PCLO: variants seen among roughly 807,000 people sequenced by gnomAD.
The protein encoded by PCLO is protein piccolo.
Under a neutral mutation model 427.5 loss-of-function variants are expected in PCLO, and 82 were observed. The ratio of observed to expected loss-of-function variants is 0.19; its 90% confidence interval spans 0.16 to 0.23. The LOEUF is 0.23. Among genes scored for constraint, PCLO ranks in the 10% least tolerant of loss-of-function variants. PCLO has a pLI of 1.00. For missense variants in PCLO, 6,239 were observed against 6,115.9 expected (o/e 1.02, Z -0.67); for synonymous variants, 2,357 against 2,155.4 (o/e 1.09, Z -2.59).
At chr7:82,814,051 C>A (rs1197624071) in intron 20 of PCLO, among the ~76,000 whole-genome samples, 1 of 151,532 alleles carries the variant, frequency 6.6e-6, no homozygotes, top group Non-Finnish European at 1.5e-5. Flanking sequence ...AAGATAAGAA[C>A]AAAAAATTTT....
Position 83,162,545 on chromosome 7 carries a change from C to T in PCLO, c.48G>A (p.Leu16=), listed in dbSNP as rs1322410473. 3 of 1,553,430 alleles carry T rather than the reference C, an allele frequency of 1.9e-6. No individual in the cohort carries two copies. The highest frequency in any genetic ancestry group is 2.4e-5 in the South Asian group (2 of 84,376). The change falls in exon 1 of 25, where the codon CTG becomes CTA. Residue 16 remains leucine (L), a synonymous_variant. Coordinates refer to ENST00000333891, the MANE Select transcript of PCLO (RefSeq NM_033026.6). ...SLEGEGLPEG[L]AAAAAAGGGA... ...CTCCTCCAGCCGCTGCGGCCGCCGCCAGCCCTTCGGGGAGCCCTTCCCCTT... is the reference window on the plus strand; with the variant it reads ...CTCCTCCAGCCGCTGCGGCCGCCGCTAGCCCTTCGGGGAGCCCTTCCCCTT...
intron 14 of PCLO, among the ~76,000 whole-genome samples, chr7:82,839,507 T>C (rs1047024419): frequency 6.6e-6 from 1 of 152,072 alleles, no homozygotes; most frequent in Non-Finnish European, 1.5e-5. Context: ...TATGCCATCA[T>C]GCAGCAACTG....
chr7:82,839,404 G>GA (rs1206006985), intron 14 of PCLO, among the ~76,000 whole-genome samples: 1 of 151,818 alleles, frequency 6.6e-6, no homozygotes, highest in Non-Finnish European at 1.5e-5. Context: ...TCTCCATCCA[G>GA]AAAAGACTAG....
intron 3 of PCLO, among the ~76,000 whole-genome samples, chr7:83,082,952 A>G (rs1790139898): frequency 6.6e-6 from 1 of 151,890 alleles, no homozygotes; most frequent in Non-Finnish European, 1.5e-5. Context: ...CAAAATATCT[A>G]GAAACGATGT....
intron 3 of PCLO, among the ~76,000 whole-genome samples, chr7:82,971,902 T>G (rs1439716907): frequency 2.0e-5 from 3 of 151,612 alleles, no homozygotes; most frequent in Non-Finnish European, 4.4e-5. Flanking sequence ...TTCCGGTGAT[T>G]TTTAAATATA....
intron 4 of PCLO, among the ~76,000 whole-genome samples, chr7:82,965,316 CTTT>C (rs544516132): frequency 3.3e-5 from 4 of 123,046 alleles, no homozygotes; most frequent in Admixed American, 1.6e-4. Flanking sequence ...TTCTTTCTTT[CTTT>C]TTTTTTTTTT....
chr7:82,914,940 C>T lies in PCLO; in HGVS notation c.13046G>A (p.Gly4349Glu). The T allele has an allele frequency of 6.2e-7, 1 of 1,613,676 alleles. No homozygotes were observed. The highest frequency in any genetic ancestry group is 8.5e-7 in the Non-Finnish European group (1 of 1,179,726). The change falls in exon 7 of 25, where the codon GGA becomes GAA. Residue 4349 changes from glycine (G) to glutamate (E), a missense_variant. Around this residue, in one of 5 missense-constraint regions of PCLO, gnomAD observed 680 missense variants for 677.3 expected, o/e 1.00. Coordinates refer to ENST00000333891, the MANE Select transcript of PCLO (RefSeq NM_033026.6). Reference protein sequence around the residue: ...PTSLPISQSRGRIPIVAQNSE... With the variant: ...PTSLPISQSRERIPIVAQNSE... ...ATTCTGGGCCACAATTGGTATTCTT[C>T]CTCTACTTTGACTAATTGGCAAACT...
At chr7:82,763,193 C>T (rs1432135479) in intron 22 of PCLO, among the ~76,000 whole-genome samples, 1 of 151,950 alleles carries the variant, frequency 6.6e-6, no homozygotes, top group Admixed American at 6.6e-5. Flanking sequence ...GCATTTTTTT[C>T]CCTGTAAGAG....
At chr7:82,809,877 C>T (rs1214664271) in intron 20 of PCLO, among the ~76,000 whole-genome samples, 2 of 151,294 alleles carry the variant, frequency 1.3e-5, no homozygotes, top group Non-Finnish European at 3.0e-5. Flanking sequence ...TTTTTTAACC[C>T]CAATCTCCCA....
intron 3 of PCLO, among the ~76,000 whole-genome samples, chr7:83,122,248 C>G (rs2116565746): frequency 6.7e-6 from 1 of 148,266 alleles, no homozygotes; most frequent in East Asian, 2.0e-4. Flanking sequence ...TATAATAAGA[C>G]AAGGATGCAC....
intron 3 of PCLO, among the ~76,000 whole-genome samples, chr7:83,071,875 A>G (rs1173033331): frequency 6.6e-6 from 1 of 152,196 alleles, no homozygotes; most frequent in East Asian, 1.9e-4. Flanking sequence ...AATTACATAT[A>G]TCTGACTTTA....
chr7:83,043,880 G>A (rs1789031333), intron 3 of PCLO, among the ~76,000 whole-genome samples: 1 of 145,776 alleles, frequency 6.9e-6, no homozygotes, highest in South Asian at 2.2e-4. Flanking sequence ...GCAAAAAAGA[G>A]AGCCTTAACT....
At chr7:82,928,135 G>C (rs1275879594) in intron 6 of PCLO, among the ~76,000 whole-genome samples, 1 of 152,108 alleles carries the variant, frequency 6.6e-6, no homozygotes, top group Non-Finnish European at 1.5e-5. Flanking sequence ...TTATAATTTA[G>C]AATCGCATTA....
At chr7:82,821,580 T>C (rs1791792860) in intron 20 of PCLO, 1 of 973,414 alleles carries the variant, frequency 1.0e-6, no homozygotes, top group Non-Finnish European at 1.2e-6. Context: ...TTTGCACATA[T>C]TAAGTTTTTA....
intron 13 of PCLO, among the ~76,000 whole-genome samples, chr7:82,842,323 A>G (rs1792387184): frequency 6.6e-6 from 1 of 152,122 alleles, no homozygotes; most frequent in Non-Finnish European, 1.5e-5. Context: ...GGTACCAGGA[A>G]AATTGGACAT....
chr7:83,080,114 T>A (rs1790058738), intron 3 of PCLO, among the ~76,000 whole-genome samples: 1 of 152,142 alleles, frequency 6.6e-6, no homozygotes, highest in Non-Finnish European at 1.5e-5. Flanking sequence ...CTTAATCCAG[T>A]CTATCATTGA....
At chr7:83,032,946 G>A (rs1788708431) in intron 3 of PCLO, among the ~76,000 whole-genome samples, 1 of 152,100 alleles carries the variant, frequency 6.6e-6, no homozygotes, top group African/African-American at 2.4e-5. Flanking sequence ...GACCTGGGGA[G>A]AAGTGATTGG....
chr7:82,966,380 A>G lies in PCLO; in HGVS notation c.3408T>C (p.Pro1136=). The G allele has an allele frequency of 1.2e-6, 2 of 1,613,626 alleles. No individual in the cohort carries two copies. The highest frequency in any genetic ancestry group is 1.3e-5 in the African/African-American group (1 of 75,024). ...ATGATGATTCTGTAGGAACAGGCAT[A>G]GGAGATGCTTTGGGTCCTGATGGTG... ...PPAPSGPKAS[P]MPVPTESSSQ... is the part of the protein sequence containing the mutation. Residue 1136 remains proline, a synonymous_variant, in exon 4 of 25, where the codon CCT becomes CCC. Coordinates refer to ENST00000333891, the MANE Select transcript of PCLO (RefSeq NM_033026.6).
chr7:83,066,009 T>C (rs976727906), intron 3 of PCLO, among the ~76,000 whole-genome samples: 1 of 152,148 alleles, frequency 6.6e-6, no homozygotes, highest in Non-Finnish European at 1.5e-5. Flanking sequence ...TCCATGTTTC[T>C]GGGACAGGAC....
Sources: gnomAD v4.1 joint callset for allele counts (sites outside exome capture counted in the v4.1 genomes callset) on GRCh38, gnomAD v4.1.1 for gene constraint, gnomAD v4.1.1 regional missense constraint, MANE v1.5 for transcripts, NCBI Gene and HGNC (gene_info 2026-07-23, HGNC 2026-07-21) for gene names.